Variants in NOTCH2 observed in about 807,000 individuals in gnomAD.
The protein encoded by NOTCH2 is neurogenic locus notch homolog protein 2.
NOTCH2 carries 29 observed loss-of-function variants against 235.8 expected under a neutral mutation model. The ratio of observed to expected loss-of-function variants is 0.12; its 90% confidence interval spans 0.09 to 0.17. NOTCH2 has a LOEUF of 0.17. NOTCH2 is among the 10% of genes least tolerant of loss of function. The pLI is 1.00. For synonymous variants in NOTCH2, 1,086 were observed against 1,141.5 expected (o/e 0.95, Z 0.98); for missense variants, 2,285 against 3,150.2 (o/e 0.73, Z 6.57).
At chr1:120,014,547 T>C (rs1266751649) in intron 2 of NOTCH2, among the ~76,000 whole-genome samples, 2 of 137,614 alleles carry the variant, frequency 1.5e-5, no homozygotes, top group South Asian at 2.4e-4. Flanking sequence ...CTAATGGAAC[T>C]AGAAAACATT....
intron 19 of NOTCH2, among the ~76,000 whole-genome samples, 161 bp from the exon 20 acceptor site, chr1:119,938,171 G>A (rs1306795281): frequency 6.6e-6 from 1 of 152,094 alleles, no homozygotes; most frequent in African/African-American, 2.4e-5. Flanking sequence ...TCAGTGTTCC[G>A]AGGTACACCT....
At position 119,925,404 on chromosome 1, in the gene NOTCH2, G is replaced by A; in HGVS notation, c.4412C>T (p.Pro1471Leu). The A allele has an allele frequency of 6.2e-7, 1 of 1,614,182 alleles. No homozygotes were observed. The highest frequency in any genetic ancestry group is 8.5e-7 in the Non-Finnish European group (1 of 1,180,018). Residue 1471 changes from proline (P) to leucine (L), a missense_variant, in exon 25 of 34, where the codon CCC becomes CTC. Physicochemically the swap from Pro to Leu is moderately conservative, Grantham distance 98. Transcript: ENST00000256646. The stretch of plus-strand genomic sequence containing the variant: ...CTGGTTGTTGATATAATCCCAGCAG[G>A]GAAGTGGGGAGGAGCAGTTGGCCCA... Reference protein sequence around the residue: ...NPWANCSSPLPCWDYINNQCD... With the variant: ...NPWANCSSPLLCWDYINNQCD...
intron 9 of NOTCH2, among the ~76,000 whole-genome samples, chr1:119,965,944 GA>G (rs1277893093): frequency 7.0e-6 from 1 of 142,182 alleles, no homozygotes; most frequent in Non-Finnish European, 1.6e-5. Flanking sequence ...ATAGCTTGAG[GA>G]AAAAAAAGGA....
At chr1:120,010,465 T>TA (rs1653144171) in intron 2 of NOTCH2, among the ~76,000 whole-genome samples, 1 of 151,990 alleles carries the variant, frequency 6.6e-6, no homozygotes, top group African/African-American at 2.4e-5. Flanking sequence ...GTTCTGCTCT[T>TA]AAGAGTACAG....
chr1:119,922,522 G>C, intron 27 of NOTCH2, 76 bp from the exon 28 acceptor site: 3 of 1,596,488 alleles, frequency 1.9e-6, no homozygotes, highest in Non-Finnish European at 2.6e-6. Context: ...TTCATTTAGA[G>C]GGCAACTTTG....
chr1:119,961,407 C>G (rs1570695255), intron 11 of NOTCH2, among the ~76,000 whole-genome samples: 1 of 152,198 alleles, frequency 6.6e-6, no homozygotes, highest in Non-Finnish European at 1.5e-5. Flanking sequence ...GTGACTCCAG[C>G]CCCCTGTCCA....
At chr1:119,939,315 A>G (rs587713561) in intron 19 of NOTCH2, among the ~76,000 whole-genome samples, 1 of 152,282 alleles carries the variant, frequency 6.6e-6, no homozygotes, top group African/African-American at 2.4e-5. Flanking sequence ...AAAAAGTTTA[A>G]AAATTCAGGG....
intron 6 of NOTCH2, among the ~76,000 whole-genome samples, chr1:119,968,450 T>C (rs17024428): frequency 0.013 from 1,904 of 152,242 alleles, 43 homozygotes; most frequent in African/African-American, 0.043. Flanking sequence ...CCCTGAGCTC[T>C]CAGCTAGACC....
chr1:120,067,279 T>G (rs1553217265), intron 1 of NOTCH2, among the ~76,000 whole-genome samples: 1 of 145,458 alleles, frequency 6.9e-6, no homozygotes, highest in East Asian at 1.9e-4. Context: ...GTTTAGCATC[T>G]AAAGAACACC....
chr1:120,064,816 G>C (rs1456745623), intron 1 of NOTCH2, among the ~76,000 whole-genome samples: 23 of 147,080 alleles, frequency 1.6e-4, no homozygotes, highest in African/African-American at 5.6e-4. Flanking sequence ...GTACAAGTTT[G>C]CAATATCCAA....
intron 3 of NOTCH2, among the ~76,000 whole-genome samples, chr1:120,001,728 G>A (rs587720262): frequency 2.0e-4 from 31 of 152,276 alleles, no homozygotes; most frequent in African/African-American, 7.2e-4. Context: ...CAATGGTTCT[G>A]CCAAGACTAC....
chr1:119,917,148 TG>T (rs1346928678), intron 33 of NOTCH2, among the ~76,000 whole-genome samples: 1 of 151,024 alleles, frequency 6.6e-6, no homozygotes, highest in African/African-American at 2.4e-5. Flanking sequence ...TGCACAGAAC[TG>T]GGAAAAGTAA....
intron 5 of NOTCH2, among the ~76,000 whole-genome samples, chr1:119,981,268 C>T (rs1651802223): frequency 6.6e-6 from 1 of 152,168 alleles, no homozygotes; most frequent in African/African-American, 2.4e-5. Context: ...GATGCTTCCC[C>T]ATTCCCACCA....
Position 119,935,485 on chromosome 1 carries a change from T to A in NOTCH2, c.3642A>T (p.Pro1214=). The A allele has an allele frequency of 6.2e-7, 1 of 1,614,184 alleles. No homozygotes were observed. The highest frequency in any genetic ancestry group is 1.1e-5 in the South Asian group (1 of 91,082). Residue 1214 remains proline, a synonymous_variant, in exon 22 of 34, where the codon CCA becomes CCT. Coordinates refer to ENST00000256646, the MANE Select transcript of NOTCH2 (RefSeq NM_024408.4). ...DLVNHFKCSC[P]PGTRGLLCEE... is the part of the protein sequence containing the mutation. ...ATGATTTCATACCCCGAGTGCCTGG[T>A]GGGCAAGAGCACTTGAAATGGTTCA...
rs3879986 is a variant in NOTCH2, at chr1:120,024,968, C to T, written c.155+4938G>A. 7.3e-5 allele frequency among the ~76,000 whole-genome samples: 11 copies of T among 150,018 alleles called. No individual in the cohort carries two copies. The East Asian group carries it at 9.9e-4, about 13-fold the overall frequency. ...GAAGGGATATAAGCCTCAGAAAAAG[C>T]AAAGCAAACTATATGAAACCCACAT... is the stretch of plus-strand genomic sequence containing the variant. On this transcript the variant is annotated intron_variant, in intron 2 of 33. Transcript: ENST00000256646.
chr1:119,994,411 A>G (rs587618646), intron 4 of NOTCH2: 25 of 103,446 alleles, frequency 2.4e-4, no homozygotes, highest in Admixed American at 4.1e-4. Flanking sequence ...TTCTCTTTAA[A>G]TTTCCTTCTA....
intron 1 of NOTCH2, among the ~76,000 whole-genome samples, chr1:120,039,366 T>G (rs1254405185): frequency 6.6e-6 from 1 of 151,918 alleles, no homozygotes; most frequent in African/African-American, 2.4e-5. Context: ...AAATTTTGCC[T>G]GTCACCAATT....
chr1:119,929,589 A>G (rs1649585773), intron 22 of NOTCH2, among the ~76,000 whole-genome samples: 1 of 152,374 alleles, frequency 6.6e-6, no homozygotes, highest in East Asian at 1.9e-4. Flanking sequence ...AAAAGAACAT[A>G]ACAATAAATA....
In NOTCH2 at chr1:119,950,704, C is replaced by G. The variant is rs1553197681; in HGVS notation, c.2479+20G>C. 6.7e-7 allele frequency: 1 copy of G among 1,496,582 alleles called. No homozygotes were observed. Among genetic ancestry groups the G allele is most frequent in the Non-Finnish European group, 9.3e-7 (1 of 1,072,982 alleles). The allele number at this position is 1,496,582 out of a possible 1,614,324, so 92.7% of individuals were successfully genotyped here. On this transcript the variant is annotated intron_variant, in intron 15 of 33. Coordinates refer to ENST00000256646, the MANE Select transcript of NOTCH2 (RefSeq NM_024408.4). ...GGTCAAGTATCCCCTCTGGTCCCTGCTGGTACCTCCAGGACCCACCTGTGT... is the reference window on the plus strand; with the variant it reads ...GGTCAAGTATCCCCTCTGGTCCCTGGTGGTACCTCCAGGACCCACCTGTGT...
Sources: allele counts gnomAD v4.1 joint callset (sites outside exome capture counted in the v4.1 genomes callset), GRCh38; gene constraint gnomAD v4.1.1; transcripts MANE v1.5; gene names NCBI Gene and HGNC (gene_info 2026-07-23, HGNC 2026-07-21).